Variants in CSDE1 observed in about 807,000 individuals in gnomAD.
CSDE1 encodes the protein cold shock domain containing E1.
In CSDE1, 17 loss-of-function variants were observed where a neutral mutation model predicts 89.3. That is an observed-to-expected ratio of 0.19 (90% CI 0.13 to 0.29). CSDE1 has a LOEUF of 0.29. CSDE1 is among the 10% of genes least tolerant of loss of function. The pLI is 1.00. For missense variants in CSDE1, 672 were observed against 984.2 expected (o/e 0.68, Z 4.24); for synonymous variants, 322 against 332.8 (o/e 0.97, Z 0.35).
intron 1 of CSDE1, among the ~76,000 whole-genome samples, chr1:114,750,934 T>A (rs1438149388): frequency 6.6e-6 from 1 of 152,234 alleles, no homozygotes; most frequent in Non-Finnish European, 1.5e-5. Flanking sequence ...TGAATGCCTG[T>A]GGCAACATGT....
At chr1:114,718,793 C>A in intron 18 of CSDE1, 48 bp from the exon 19 acceptor site, 1 of 1,600,580 alleles carries the variant, frequency 6.2e-7, no homozygotes, top group Non-Finnish European at 8.5e-7. Flanking sequence ...GGTGGGCAGA[C>A]AGCAAGCACT....
chr1:114,730,976 C>T (rs1660066625), intron 10 of CSDE1, among the ~76,000 whole-genome samples: 1 of 152,218 alleles, frequency 6.6e-6, no homozygotes, highest in African/African-American at 2.4e-5. Context: ...AGAAACTTCA[C>T]TAATTTACAG....
intron 13 of CSDE1, 53 bp downstream of exon 13, chr1:114,726,930 A>G: frequency 8.2e-7 from 1 of 1,213,140 alleles, no homozygotes; most frequent in Admixed American, 1.9e-5. Flanking sequence ...TGCAGGATTT[A>G]TGATTAAGAT....
In CSDE1 at chr1:114,733,796, A is replaced by G. The variant is rs143058827; in HGVS notation, c.773T>C (p.Ile258Thr). 1.6e-5 allele frequency: 26 copies of G among 1,613,858 alleles called. No homozygotes were observed. The highest frequency in any genetic ancestry group is 6.6e-5 in the South Asian group (6 of 91,082). The part of the protein sequence containing the change: ...LPQGTVIFED[I>T]SIEHFEGTVT... ...AGTTCCTTCAAAATGTTCAATGCTGATATCTTCAAAAATGACTGTTCCTTG... is the reference window on the plus strand; with the variant it reads ...AGTTCCTTCAAAATGTTCAATGCTGGTATCTTCAAAAATGACTGTTCCTTG... The change falls in exon 9 of 20, where the codon ATC becomes ACC. Residue 258 changes from isoleucine to threonine, a missense_variant. Ile to Thr is a moderately conservative substitution (Grantham distance 89, BLOSUM62 -1). This residue lies in a region of CSDE1 where 169 missense variants were observed against 262.9 expected (regional missense o/e 0.64). Coordinates refer to ENST00000358528, the MANE Select transcript of CSDE1 (RefSeq NM_001007553.3).
chr1:114,720,777 C>CA, intron 16 of CSDE1, 60 bp from the exon 17 acceptor site: 1 of 1,468,988 alleles, frequency 6.8e-7, no homozygotes. Context: ...TGCTGATGAC[C>CA]CTAGGAAGTT....
Position 114,741,552 on chromosome 1 carries a change from T to C in CSDE1, c.1-1662A>G, listed in dbSNP as rs933149693. The C allele has an allele frequency of 4.5e-6, 7 of 1,551,078 alleles. No homozygotes were observed. In the African/African-American group the frequency reaches 9.6e-5, roughly 21 times the overall value. On this transcript the variant is annotated intron_variant, in intron 2 of 19. Coordinates refer to ENST00000358528, the MANE Select transcript of CSDE1 (RefSeq NM_001007553.3). The stretch of plus-strand genomic sequence containing the variant: ...AGATCTCTGATAAGTTGGGGTCCTC[T>C]TTTGTTTTTTAGTCCCAGATGAGGT...
Position 114,723,972 on chromosome 1 carries a change from G to A in CSDE1, c.1784C>T (p.Thr595Ile). Residue 595 changes from threonine (T) to isoleucine (I), a missense_variant, in exon 16 of 20, where the codon ACC (threonine) becomes ATC (isoleucine). Coordinates refer to ENST00000358528, the MANE Select transcript of CSDE1 (RefSeq NM_001007553.3). ...GCGAATTACTTTGCCAGAGTAAATG[G>A]TGGGATCAGCTTCCTCAGTAATGCC... The part of the protein sequence containing the change: ...VNGITEEADP[T>I]IYSGKVIRPL... 1 of 1,613,922 alleles carries A rather than the reference G, an allele frequency of 6.2e-7. No homozygotes were observed. The highest frequency in any genetic ancestry group is 8.5e-7 in the Non-Finnish European group (1 of 1,179,874).
At chr1:114,722,093 G>A (rs542479532) in intron 16 of CSDE1, among the ~76,000 whole-genome samples, 1 of 152,262 alleles carries the variant, frequency 6.6e-6, no homozygotes, top group East Asian at 1.9e-4. Context: ...TGTTGGCCAG[G>A]CTGGTCTCGA....
intron 1 of CSDE1, among the ~76,000 whole-genome samples, chr1:114,755,198 C>T (rs1661524235): frequency 6.6e-6 from 1 of 152,192 alleles, no homozygotes; most frequent in African/African-American, 2.4e-5. Context: ...AACAGCCACA[C>T]GTGGCTGGCG....
chr1:114,736,913 G>A, intron 5 of CSDE1, 58 bp from the exon 6 acceptor site: 1 of 1,310,756 alleles, frequency 7.6e-7, no homozygotes, highest in African/African-American at 1.5e-5. Context: ...ACTGTATACT[G>A]TGATTTACTT....
intron 13 of CSDE1, 21 bp from the exon 14 acceptor site, chr1:114,726,407 C>T (rs1454632265): frequency 1.9e-6 from 3 of 1,592,910 alleles, no homozygotes; most frequent in Non-Finnish European, 2.6e-6. Flanking sequence ...TAAGGATGCT[C>T]ATTAACACCA....
intron 16 of CSDE1, 46 bp downstream of exon 16, chr1:114,723,837 T>C: frequency 6.2e-7 from 1 of 1,612,018 alleles, no homozygotes; most frequent in Non-Finnish European, 8.5e-7. Context: ...GGTGCTCATC[T>C]GAAGTTATGG....
At chr1:114,739,968 T>C in intron 2 of CSDE1, 78 bp from the exon 3 acceptor site, 1 of 1,232,180 alleles carries the variant, frequency 8.1e-7, no homozygotes. Context: ...AATAAGTCAC[T>C]AAATCTTCCA....
chr1:114,729,111 T>G (rs1466454214), intron 12 of CSDE1, among the ~76,000 whole-genome samples: 1 of 152,172 alleles, frequency 6.6e-6, no homozygotes, highest in Non-Finnish European at 1.5e-5. Flanking sequence ...CTAAATTTTT[T>G]TTTTGGAGAC....
intron 1 of CSDE1, among the ~76,000 whole-genome samples, chr1:114,751,322 T>A (rs939619402): frequency 6.6e-6 from 1 of 152,176 alleles, no homozygotes; most frequent in Non-Finnish European, 1.5e-5. Flanking sequence ...GAAAATTATT[T>A]CTACAGAGAT....
chr1:114,755,407 T>C (rs952736534), intron 1 of CSDE1, among the ~76,000 whole-genome samples: 1 of 152,242 alleles, frequency 6.6e-6, no homozygotes, highest in East Asian at 1.9e-4. Context: ...GTACCGGCTG[T>C]AGCTGCAAAT....
intron 1 of CSDE1, among the ~76,000 whole-genome samples, chr1:114,754,272 C>T (rs1413915336): frequency 1.3e-5 from 2 of 152,176 alleles, no homozygotes; most frequent in African/African-American, 2.4e-5. Context: ...GGATTACAGG[C>T]GTGAGCCACT....
intron 1 of CSDE1, among the ~76,000 whole-genome samples, chr1:114,754,379 G>A (rs1287469601): frequency 6.6e-6 from 1 of 152,154 alleles, no homozygotes; most frequent in Non-Finnish European, 1.5e-5. Context: ...TAAATGAAGA[G>A]GTTAAACTAA....
intron 2 of CSDE1, among the ~76,000 whole-genome samples, chr1:114,748,058 C>T (rs1481670337): frequency 6.6e-6 from 1 of 152,066 alleles, no homozygotes; most frequent in Admixed American, 6.5e-5. Flanking sequence ...ATAACAGTGT[C>T]TGTTTATGAG....
Sources: gnomAD v4.1 joint callset for allele counts (sites outside exome capture counted in the v4.1 genomes callset) on GRCh38, gnomAD v4.1.1 for gene constraint, gnomAD v4.1.1 regional missense constraint, MANE v1.5 for transcripts, NCBI Gene and HGNC (gene_info 2026-07-23, HGNC 2026-07-21) for gene names.